Variants in FRMPD1 observed in about 807,000 individuals in gnomAD.
FRMPD1 encodes the protein FERM and PDZ domain-containing protein 1.
A neutral mutation model predicts 117.8 loss-of-function variants in FRMPD1; 76 were observed. The ratio of observed to expected loss-of-function variants is 0.65; its 90% CI spans 0.54 to 0.78. The LOEUF is 0.78. FRMPD1 is among the 30% of genes least tolerant of loss of function. The pLI, the probability that FRMPD1 is intolerant of heterozygous loss-of-function variation, is 0.00. For missense variants in FRMPD1, 1,786 were observed against 1,964.5 expected (o/e 0.91, Z 1.72); for synonymous variants, 783 against 770.4 (o/e 1.02, Z -0.27).
At chr9:37,718,973 G>C (rs1823271113) in intron 5 of FRMPD1, 96 bp from the exon 6 acceptor site, 1 of 729,914 alleles carries the variant, frequency 1.4e-6, no homozygotes, top group Admixed American at 2.0e-5. Context: ...ATCTGCAACA[G>C]CTATCAAAGT....
intron 1 of FRMPD1, among the ~76,000 whole-genome samples, chr9:37,686,311 G>A (rs944179552): frequency 3.0e-4 from 46 of 152,230 alleles, no homozygotes; most frequent in African/African-American, 8.9e-4. Context: ...GACTCAAGCT[G>A]CAGACGAGTG....
intron 1 of FRMPD1, among the ~76,000 whole-genome samples, chr9:37,664,276 G>A (rs960867503): frequency 2.7e-5 from 4 of 150,712 alleles, no homozygotes; most frequent in Non-Finnish European, 4.4e-5. Flanking sequence ...GTAGGGCATC[G>A]ACATTTATGT....
In FRMPD1 at chr9:37,744,679, A is replaced by C; in HGVS notation, c.2647A>C (p.Thr883Pro). 6.2e-7 allele frequency: 1 copy of C among 1,614,032 alleles called. No individual in the cohort carries two copies. The highest frequency in any genetic ancestry group is 1.1e-5 in the South Asian group (1 of 91,072). Residue 883 changes from threonine to proline, a missense_variant, in exon 16 of 16, where the codon ACT (threonine) becomes CCT (proline). Coordinates refer to ENST00000377765, the MANE Select transcript of FRMPD1 (RefSeq NM_014907.3). ...CCTGGCCCTTGGTGCACCCTCCCCA[A>C]CTGTGTCCTCTCTGCAGGACATGCA... ...PYLALGAPSP[T>P]VSSLQDMQGE...
At chr9:37,685,442 G>T (rs1476318714) in intron 1 of FRMPD1, among the ~76,000 whole-genome samples, 2 of 151,678 alleles carry the variant, frequency 1.3e-5, no homozygotes, top group African/African-American at 2.4e-5. Context: ...AGGAGATCGA[G>T]ACTATCCTGG....
chr9:37,735,842 T>C, intron 13 of FRMPD1, 108 bp downstream of exon 13: 1 of 729,296 alleles, frequency 1.4e-6, no homozygotes, highest in South Asian at 2.0e-5. Context: ...TAATGTCCAA[T>C]ATCTGCTTAA....
intron 4 of FRMPD1, 39 bp downstream of exon 4, chr9:37,708,540 A>C: frequency 8.6e-7 from 1 of 1,164,592 alleles, no homozygotes; most frequent in Non-Finnish European, 1.3e-6. Flanking sequence ...AATTGCACAG[A>C]TTATCAAAGA....
chr9:37,649,690 T>G (rs1005040574), upstream of FRMPD1, among the ~76,000 whole-genome samples: 2 of 152,194 alleles, frequency 1.3e-5, no homozygotes, highest in Non-Finnish European at 2.9e-5. Flanking sequence ...CATCTGCCTG[T>G]GCACCATCCC....
intron 7 of FRMPD1, among the ~76,000 whole-genome samples, chr9:37,726,200 A>C (rs1823608747): frequency 6.6e-6 from 1 of 152,216 alleles, no homozygotes; most frequent in Non-Finnish European, 1.5e-5. Flanking sequence ...ACATAAATAA[A>C]TCTTATGAGT....
At chr9:37,731,158 C>A (rs1429323018) in intron 9 of FRMPD1, 55 bp downstream of exon 9, 4 of 1,565,542 alleles carry the variant, frequency 2.6e-6, no homozygotes, top group Non-Finnish European at 8.8e-7. Flanking sequence ...AGATGGTGCA[C>A]TGGGTGATTT....
At chr9:37,644,830 G>A in the FRMPD1 span, among the ~76,000 whole-genome samples, 1 of 152,158 alleles carries the variant, frequency 6.6e-6, no homozygotes, top group East Asian at 1.9e-4. Flanking sequence ...TGATTGCTCT[G>A]TTTGGTGTTT....
In FRMPD1 at chr9:37,740,831, A is replaced by T. The variant is rs757349575; in HGVS notation, c.2303A>T (p.Asp768Val). The change falls in exon 15 of 16, where the codon GAT becomes GTT. Residue 768 changes from aspartate to valine, a missense_variant. Asp to Val is a radical substitution (Grantham distance 152). Transcript: ENST00000377765. The surrounding 1 kb of genome is among the most constrained non-coding windows in gnomAD (Gnocchi z 4.2). ...CTGGCCTTTGAGGATGGCAGCTCAG[A>T]TGAGGAATACTATGACGCGGCTGAT... ...PPLAFEDGSSDEEYYDAADKL... is the reference protein window; with the variant it reads ...PPLAFEDGSSVEEYYDAADKL... 3 of 1,614,166 alleles carry T rather than the reference A, an allele frequency of 1.9e-6. No individual in the cohort carries two copies. Among genetic ancestry groups the T allele is most frequent in the Non-Finnish European group, 2.5e-6 (3 of 1,180,020 alleles).
At chr9:37,677,120 G>A (rs937269499) in intron 1 of FRMPD1, among the ~76,000 whole-genome samples, 4 of 152,168 alleles carry the variant, frequency 2.6e-5, no homozygotes, top group Non-Finnish European at 5.9e-5. Context: ...CTAGGGGCCC[G>A]CAAACCCATG....
chr9:37,707,477 C>G lies in FRMPD1; in HGVS notation c.163C>G (p.Arg55Gly). 1 of 1,613,632 alleles carries G rather than the reference C, an allele frequency of 6.2e-7. No homozygotes were observed. The highest frequency in any genetic ancestry group is 8.5e-7 in the Non-Finnish European group (1 of 1,179,610). ...RNPTQTLIPV[R>G]HTVKIDKDTL... ...CCCAACTCAGACCCTCATCCCTGTG[C>G]GACACACAGTAAAGATAGACAAAGA... The change falls in exon 3 of 16, where the codon CGA (arginine) becomes GGA (glycine). Residue 55 changes from arginine to glycine, a missense_variant. Arg to Gly is a moderately radical substitution (Grantham distance 125, BLOSUM62 -2). Coordinates refer to ENST00000377765, the MANE Select transcript of FRMPD1 (RefSeq NM_014907.3).
chr9:37,619,202 A>AT, the FRMPD1 span, among the ~76,000 whole-genome samples: 5 of 151,888 alleles, frequency 3.3e-5, no homozygotes, highest in African/African-American at 9.7e-5. Flanking sequence ...GAACGTTTCC[A>AT]TTTTTTTTCC....
Position 37,735,537 on chromosome 9 carries a change from T to C in FRMPD1, c.1219-15T>C. 6.2e-7 allele frequency: 1 copy of C among 1,601,122 alleles called. No homozygotes were observed. Among genetic ancestry groups the C allele is most frequent in the Non-Finnish European group, 8.6e-7 (1 of 1,168,620 alleles). The stretch of plus-strand genomic sequence containing the variant: ...GCTTGCGAATGGAGACTAATTCCCC[T>C]TCCACCCTCTGCAGTTACAGGATAG... On this transcript the variant is annotated splice_polypyrimidine_tract_variant and intron_variant, in intron 12 of 15. Transcript: ENST00000377765.
In FRMPD1 at chr9:37,692,695, A is replaced by G; in HGVS notation, c.54A>G (p.Glu18=). The G allele has an allele frequency of 6.2e-7, 1 of 1,614,114 alleles. No homozygotes were observed. The highest frequency in any genetic ancestry group is 8.5e-7 in the Non-Finnish European group (1 of 1,179,954). Residue 18 remains glutamate, a synonymous_variant, in exon 2 of 16, where the codon GAA becomes GAG. Transcript: ENST00000377765. ...AGACACGGAAAGCACATAGAATAGA[A>G]CAAATGGTGGCAAGATGGCTTCGGC... ...LFQTRKAHRI[E]QMVARWLRRS... is the part of the protein sequence containing the mutation.
rs183636728 is a variant in FRMPD1 at position 37,736,240 on chromosome 9, A to T, written c.1401+506A>T. ...ATGGTCTCGATCTCCTGACCTCGTG[A>T]TCCACCCGCCTTGGCCTCCCAAAGT... On this transcript the variant is annotated intron_variant, in intron 13 of 15. Transcript: ENST00000377765. Among the ~76,000 whole-genome samples, 510 of 151,888 alleles carry T rather than the reference A, an allele frequency of 3.4e-3. 3 individuals carry two copies. Among genetic ancestry groups the T allele is most frequent in the African/African-American group, 0.011 (468 of 41,484 alleles).
At chr9:37,662,554 G>A (rs1821032784) in intron 1 of FRMPD1, among the ~76,000 whole-genome samples, 1 of 152,192 alleles carries the variant, frequency 6.6e-6, no homozygotes, top group Non-Finnish European at 1.5e-5. Context: ...CCAGAACAGG[G>A]AGAGACTAGC....
At chr9:37,610,972 C>T in the FRMPD1 span, among the ~76,000 whole-genome samples, 5 of 152,112 alleles carry the variant, frequency 3.3e-5, no homozygotes, top group Non-Finnish European at 7.4e-5. Context: ...TAACCAGTCC[C>T]CTATTGATGG....
Sources: allele counts gnomAD v4.1 joint callset (sites outside exome capture counted in the v4.1 genomes callset), GRCh38; gene constraint gnomAD v4.1.1; non-coding constraint Gnocchi (gnomAD v3.1); transcripts MANE v1.5; gene names NCBI Gene and HGNC (gene_info 2026-07-23, HGNC 2026-07-21).